The following SEC14L5 variants were observed in gnomAD, a reference collection of about 807,000 sequenced individuals.
The protein encoded by SEC14L5 is SEC14 like lipid binding 5.
A neutral mutation model predicts 84.6 loss-of-function variants in SEC14L5; 96 were observed. The ratio of observed to expected loss-of-function variants is 1.13; its 90% confidence interval spans 0.96 to 1.34. The LOEUF is 1.34. Among genes scored for constraint, SEC14L5 ranks in the 40% most tolerant of loss-of-function variants. The pLI, the probability that SEC14L5 is intolerant of heterozygous loss-of-function variation, is 0.00. For synonymous variants in SEC14L5, 546 were observed against 383.4 expected, an observed-to-expected ratio of 1.42 and a Z score of -4.95; for missense variants, 1,224 against 942.5, an observed-to-expected ratio of 1.30 and a Z score of -3.91.
At chr16:5,003,294 C>A in intron 10 of SEC14L5, 108 bp from the exon 11 acceptor site, 3 of 819,436 alleles carry the variant, frequency 3.7e-6, no homozygotes, top group Non-Finnish European at 3.9e-6. Flanking sequence ...CCCCCATCTG[C>A]TCCCAGCCCT....
intron 2 of SEC14L5, among the ~76,000 whole-genome samples, chr16:4,977,908 C>T (rs999685352): frequency 6.6e-6 from 1 of 151,318 alleles, no homozygotes; most frequent in East Asian, 2.0e-4. Flanking sequence ...TCAAGCAATT[C>T]TCATGCCTCA....
At chr16:4,994,627 A>G (rs1955589202) in intron 6 of SEC14L5, among the ~76,000 whole-genome samples, 1 of 151,924 alleles carries the variant, frequency 6.6e-6, no homozygotes, top group African/African-American at 2.4e-5. Flanking sequence ...TACATGCAAC[A>G]AGTATTTATT....
At chr16:4,964,892 G>C (rs1003076039) in intron 2 of SEC14L5, among the ~76,000 whole-genome samples, 1 of 151,954 alleles carries the variant, frequency 6.6e-6, no homozygotes, top group Non-Finnish European at 1.5e-5. Flanking sequence ...CACCACGCCC[G>C]GCTAATGTTT....
At position 4,990,825 on chromosome 16, in the gene SEC14L5, G is replaced by A. The variant is rs759416668; in HGVS notation, c.404G>A (p.Arg135Gln). 13 of 1,611,836 alleles carry A rather than the reference G, an allele frequency of 8.1e-6. No individual in the cohort carries two copies. Among genetic ancestry groups the A allele is most frequent in the Non-Finnish European group, 1.1e-5 (13 of 1,178,860 alleles). Residue 135 changes from arginine (R) to glutamine (Q), a missense_variant, in exon 5 of 16, where the codon CGG becomes CAG. Coordinates refer to ENST00000251170, the MANE Select transcript of SEC14L5 (RefSeq NM_014692.2). Reference protein sequence around the residue: ...CFEQSASLDIRSFFGFENALE... With the variant: ...CFEQSASLDIQSFFGFENALE... Reference sequence around the variant, plus strand: ...GAGCAGTCTGCCTCACTGGACATTCGGTCTTTCTTTGGCTTTGAAAATGCC... The same window carrying A: ...GAGCAGTCTGCCTCACTGGACATTCAGTCTTTCTTTGGCTTTGAAAATGCC...
intron 4 of SEC14L5, among the ~76,000 whole-genome samples, chr16:4,989,786 G>A (rs1017292199): frequency 2.6e-5 from 4 of 152,168 alleles, no homozygotes; most frequent in Non-Finnish European, 5.9e-5. Flanking sequence ...CTCAGAATGA[G>A]TTCTATCAAT....
At position 4,996,926 on chromosome 16, in the gene SEC14L5, G is replaced by T; in HGVS notation, c.852G>T (p.Met284Ile). The T allele has an allele frequency of 1.2e-6, 2 of 1,613,674 alleles. No homozygotes were observed. The highest frequency in any genetic ancestry group is 1.7e-6 in the Non-Finnish European group (2 of 1,179,758). The change falls in exon 8 of 16, where the codon ATG (methionine) becomes ATT (isoleucine). Residue 284 changes from methionine to isoleucine, a missense_variant. Met to Ile is a conservative substitution (Grantham distance 10). Coordinates refer to ENST00000251170, the MANE Select transcript of SEC14L5 (RefSeq NM_014692.2). Reference sequence around the variant, plus strand: ...TCCACCTGGACAAGGCCCGGGAAATGCTGCGCCAGTCCTTGAGCTGGCGCA... The same window carrying T: ...TCCACCTGGACAAGGCCCGGGAAATTCTGCGCCAGTCCTTGAGCTGGCGCA... ...HDFHLDKARE[M>I]LRQSLSWRKQ... is the part of the protein sequence containing the mutation.
At chr16:4,997,637 C>G (rs962823159) in intron 8 of SEC14L5, among the ~76,000 whole-genome samples, 1 of 152,058 alleles carries the variant, frequency 6.6e-6, no homozygotes, top group Non-Finnish European at 1.5e-5. Flanking sequence ...TTTCCAAGGG[C>G]AGTTGTAGCA....
chr16:4,981,261 T>G (rs915058590), intron 2 of SEC14L5, among the ~76,000 whole-genome samples: 2 of 77,594 alleles, frequency 2.6e-5, no homozygotes, highest in South Asian at 6.8e-4. Flanking sequence ...ATTGGTTTTT[T>G]TTTTTTTTTT....
At chr16:5,006,341 C>G (rs1380479160) in intron 12 of SEC14L5, among the ~76,000 whole-genome samples, 1 of 152,208 alleles carries the variant, frequency 6.6e-6, no homozygotes, top group Non-Finnish European at 1.5e-5. Flanking sequence ...AAGGCTTACG[C>G]ATTCTATATT....
intron 8 of SEC14L5, 93 bp from the exon 9 acceptor site, chr16:5,000,562 G>C (rs1176082958): frequency 2.2e-6 from 2 of 926,398 alleles, no homozygotes; most frequent in African/African-American, 3.3e-5. Flanking sequence ...GCAGCCTGAG[G>C]AGGTGAAGCT....
intron 2 of SEC14L5, among the ~76,000 whole-genome samples, chr16:4,974,542 T>C (rs1471549720): frequency 6.6e-6 from 1 of 152,018 alleles, no homozygotes; most frequent in Non-Finnish European, 1.5e-5. Flanking sequence ...TATGATATGA[T>C]AATTATATTT....
chr16:5,002,946 T>G (rs1258400366), intron 10 of SEC14L5, among the ~76,000 whole-genome samples: 1 of 152,244 alleles, frequency 6.6e-6, no homozygotes, highest in African/African-American at 2.4e-5. Context: ...ACCTTGGTGA[T>G]GACCTTGAGC....
chr16:4,979,026 T>G (rs1193147154), intron 2 of SEC14L5, among the ~76,000 whole-genome samples: 1 of 152,184 alleles, frequency 6.6e-6, no homozygotes, highest in Non-Finnish European at 1.5e-5. Flanking sequence ...CCTCAGCCAG[T>G]GTATTTAATA....
At chr16:5,008,886 G>A (rs574154514) in intron 14 of SEC14L5, among the ~76,000 whole-genome samples, 30 of 152,368 alleles carry the variant, frequency 2.0e-4, no homozygotes, top group African/African-American at 6.7e-4. Context: ...GAGGTGGCTG[G>A]TGTCTTGGGG....
At position 4,983,917 on chromosome 16, in the gene SEC14L5, TA is replaced by T. The variant is rs1288455517; in HGVS notation, c.64-3639del. ...ATAAATAAATAAATAAATAAATAAA[TA>T]GTATATGTATACATGTGGATTCATA... On this transcript the variant is annotated intron_variant, in intron 2 of 15. Transcript: ENST00000251170. Among the ~76,000 whole-genome samples, 6 of 143,988 alleles carry T rather than the reference TA, an allele frequency of 4.2e-5. No individual in the cohort carries two copies. The East Asian group carries it at 1.2e-3, about 29-fold the overall frequency. The allele number at this position is 143,988 out of a possible 152,430, so 94.5% of individuals were successfully genotyped here.
At chr16:4,963,000 G>T (rs1163908001) in intron 2 of SEC14L5, among the ~76,000 whole-genome samples, 1 of 152,204 alleles carries the variant, frequency 6.6e-6, no homozygotes, top group African/African-American at 2.4e-5. Flanking sequence ...GTCAGATGCC[G>T]GGGAAGTTTC....
intron 2 of SEC14L5, among the ~76,000 whole-genome samples, chr16:4,974,722 A>G (rs1327080299): frequency 4.0e-5 from 6 of 151,876 alleles, no homozygotes; most frequent in African/African-American, 1.5e-4. Context: ...ACTCCCTCCC[A>G]GTCTTCCCCT....
At chr16:4,985,458 C>A (rs1198816518) in intron 2 of SEC14L5, among the ~76,000 whole-genome samples, 3 of 152,130 alleles carry the variant, frequency 2.0e-5, no homozygotes, top group Non-Finnish European at 4.4e-5. Flanking sequence ...TAGCTCCTGA[C>A]CTTCGGTGAT....
At chr16:4,996,540 C>T (rs181815618) in intron 7 of SEC14L5, 80 bp downstream of exon 7, 10 of 726,830 alleles carry the variant, frequency 1.4e-5, no homozygotes, top group Non-Finnish European at 1.9e-5. Flanking sequence ...GAAGGAAAGG[C>T]GAGATGATAA....
Sources: allele counts gnomAD v4.1 joint callset (sites outside exome capture counted in the v4.1 genomes callset), GRCh38; gene constraint gnomAD v4.1.1; transcripts MANE v1.5; gene names NCBI Gene and HGNC (gene_info 2026-07-23, HGNC 2026-07-21).